Variants in TMPRSS13 observed in about 807,000 individuals in gnomAD.
TMPRSS13 encodes the protein transmembrane protease serine 13.
TMPRSS13 carries 50 observed loss-of-function variants against 68.4 expected under a neutral mutation model. The observed-to-expected ratio is 0.73, with a 90% CI of 0.58 to 0.93. The LOEUF is 0.93. TMPRSS13 is among the 40% of genes least tolerant of loss of function. The pLI, the probability that TMPRSS13 is intolerant of heterozygous loss-of-function variation, is 0.00. For synonymous variants in TMPRSS13, 267 were observed against 285.8 expected, an observed-to-expected ratio of 0.93 and a Z score of 0.66; for missense variants, 615 against 729.2, an observed-to-expected ratio of 0.84 and a Z score of 1.80.
chr11:117,926,463 A>G (rs987373229), intron 1 of TMPRSS13, among the ~76,000 whole-genome samples: 1 of 152,190 alleles, frequency 6.6e-6, no homozygotes, highest in African/African-American at 2.4e-5. Flanking sequence ...GGTTCTCACC[A>G]ATCCCTAGCA....
chr11:117,914,304 G>A lies in TMPRSS13; in HGVS notation c.679+88C>T. On this transcript the variant is annotated intron_variant, in intron 4 of 12. Transcript: ENST00000524993. This position sits in a 1 kb window ranked among gnomAD's most constrained non-coding sequence, Gnocchi z 4.2. ...ATGCACGCACACATATACACACACA[G>A]GCATGCATACACACACACATATACA... The A allele has an allele frequency of 6.5e-7, 1 of 1,530,802 alleles. No homozygotes were observed. The highest frequency in any genetic ancestry group is 8.9e-7 in the Non-Finnish European group (1 of 1,121,212). 94.8% of individuals were successfully genotyped at this position (1,530,802 alleles called of 1,614,324 possible). A position where few individuals can be genotyped will look rare whatever the true frequency, so the allele number is the denominator to read the frequency against.
At position 117,908,008 on chromosome 11, in the gene TMPRSS13, C is replaced by T. The variant is rs193041644; in HGVS notation, c.1282+604G>A. Reference sequence around the variant, plus strand: ...TGTAGCCTCCTTTGGTCCTTAGCAACAACGTTGTAGCAATTAGTTGTTTGA... The same window carrying T: ...TGTAGCCTCCTTTGGTCCTTAGCAATAACGTTGTAGCAATTAGTTGTTTGA... On this transcript the variant is annotated intron_variant, in intron 9 of 12. Coordinates refer to ENST00000524993, the MANE Select transcript of TMPRSS13 (RefSeq NM_001077263.3). 63 of 991,462 alleles carry T rather than the reference C, an allele frequency of 6.4e-5. No individual in the cohort carries two copies. The East Asian group carries it at 5.2e-3, about 82-fold the overall frequency. The allele number at this position is 991,462 out of a possible 1,614,324, so 61.4% of individuals were successfully genotyped here.
At chr11:117,918,312 G>A (rs747048102) in intron 2 of TMPRSS13, 97 bp downstream of exon 2, 2 of 1,313,764 alleles carry the variant, frequency 1.5e-6, no homozygotes, top group Non-Finnish European at 2.1e-6. Context: ...CCGCATCGTT[G>A]TCTGCTATGA....
intron 1 of TMPRSS13, among the ~76,000 whole-genome samples, chr11:117,928,925 T>C (rs896109292): frequency 1.3e-5 from 2 of 151,964 alleles, no homozygotes; most frequent in African/African-American, 4.8e-5. Flanking sequence ...CCAGCAAAAA[T>C]GAGATTAAAG....
chr11:117,920,327 TTTTG>T (rs58261622), intron 1 of TMPRSS13, among the ~76,000 whole-genome samples: 1 of 150,668 alleles, frequency 6.6e-6, no homozygotes, highest in African/African-American at 2.4e-5. Context: ...GATGGAGGGG[TTTTG>T]TTTGTTTGTT....
At chr11:117,908,056 C>A in intron 9 of TMPRSS13, 3 of 1,013,896 alleles carry the variant, frequency 3.0e-6, no homozygotes, top group Non-Finnish European at 2.4e-6. Context: ...CTTAAGTTCT[C>A]GACTGCAGGG....
In TMPRSS13 at chr11:117,918,422, G is replaced by A. The variant is rs376286439; in HGVS notation, c.438C>T (p.Thr146=). The change falls in exon 2 of 13, where the codon ACC becomes ACT. Residue 146 remains threonine, a synonymous_variant. Coordinates refer to ENST00000524993, the MANE Select transcript of TMPRSS13 (RefSeq NM_001077263.3). The stretch of plus-strand genomic sequence containing the variant: ...CATCCCCCTTACCTGGGCTCTCCCT[G>A]GTGGCCCTGGTTGCTGGTGCTGACC... ...PARSAPATRA[T]RESPGTSLPK... 66 of 1,613,418 alleles carry A rather than the reference G, an allele frequency of 4.1e-5. No individual in the cohort carries two copies. The highest frequency in any genetic ancestry group is 5.2e-5 in the Non-Finnish European group (61 of 1,179,508).
intron 10 of TMPRSS13, 121 bp downstream of exon 10, chr11:117,905,517 C>T: frequency 1.3e-6 from 1 of 770,922 alleles, no homozygotes; most frequent in Non-Finnish European, 2.1e-6. Flanking sequence ...AATCCGTATA[C>T]CCAAACGCTC....
chr11:117,904,244 A>C (rs1355574238), intron 10 of TMPRSS13, 143 bp from the exon 11 acceptor site: 1 of 1,172,946 alleles, frequency 8.5e-7, no homozygotes. Flanking sequence ...CCTGGCTCCC[A>C]CCCAAGGGAG....
chr11:117,909,994 T>G (rs2057505954), intron 7 of TMPRSS13, 26 bp from the exon 8 acceptor site: 1 of 1,604,828 alleles, frequency 6.2e-7, no homozygotes, highest in South Asian at 1.1e-5. Flanking sequence ...AGACGTACTG[T>G]GAACCCTGTT....
intron 9 of TMPRSS13, among the ~76,000 whole-genome samples, chr11:117,906,064 G>C (rs541003378): frequency 1.1e-4 from 16 of 152,268 alleles, no homozygotes; most frequent in Non-Finnish European, 2.4e-4. Flanking sequence ...TCTCCCTACT[G>C]AGAGGGTCTC....
At chr11:117,923,768 G>A (rs539610154) in intron 1 of TMPRSS13, among the ~76,000 whole-genome samples, 133 of 146,074 alleles carry the variant, frequency 9.1e-4, no homozygotes, top group African/African-American at 2.6e-3. Context: ...ACACCAACAC[G>A]GCACATGTAT....
rs1406121119 is a variant in TMPRSS13, at chr11:117,914,407, C to T, written c.664G>A (p.Asp222Asn). The change falls in exon 4 of 13, where the codon GAC (aspartate) becomes AAC (asparagine). Residue 222 changes from aspartate to asparagine, a missense_variant. Coordinates refer to ENST00000524993, the MANE Select transcript of TMPRSS13 (RefSeq NM_001077263.3). This position sits in a 1 kb window ranked among gnomAD's most constrained non-coding sequence, Gnocchi z 4.2. ...GCCTCCTTACCGCAGCCCAGCTCGT[C>T]ACTCTTCAGCTTGCAGTCCACCACC... ...DGVVDCKLKS[D>N]ELGCVRFDWD... 6.2e-7 allele frequency: 1 copy of T among 1,613,940 alleles called. No individual in the cohort carries two copies. The highest frequency in any genetic ancestry group is 1.1e-5 in the South Asian group (1 of 91,082).
chr11:117,913,021 A>C (rs967463648), intron 5 of TMPRSS13, among the ~76,000 whole-genome samples: 1 of 152,106 alleles, frequency 6.6e-6, no homozygotes, highest in Admixed American at 6.5e-5. Flanking sequence ...GGTGGAGAAC[A>C]TGTTCTAAAT....
chr11:117,908,034 A>AT, intron 9 of TMPRSS13: 2 of 999,292 alleles, frequency 2.0e-6, no homozygotes, highest in Non-Finnish European at 2.4e-6. Flanking sequence ...AGTTGTTTGA[A>AT]TGTGTACTCA....
intron 8 of TMPRSS13, 49 bp downstream of exon 8, chr11:117,909,757 G>A (rs924128079): frequency 5.1e-6 from 8 of 1,573,074 alleles, no homozygotes; most frequent in Non-Finnish European, 6.9e-6. Context: ...CCTTCCTGGT[G>A]GTTCCCGACC....
At chr11:117,917,432 A>C (rs899169738) in intron 2 of TMPRSS13, among the ~76,000 whole-genome samples, 158 bp from the exon 3 acceptor site, 4 of 152,270 alleles carry the variant, frequency 2.6e-5, no homozygotes, top group Admixed American at 1.3e-4. Context: ...AGTCAATTGA[A>C]TGAATGAATG....
At chr11:117,928,786 T>C (rs1042703960) in intron 1 of TMPRSS13, among the ~76,000 whole-genome samples, 1 of 152,084 alleles carries the variant, frequency 6.6e-6, no homozygotes, top group African/African-American at 2.4e-5. Context: ...CCAACGGAGG[T>C]TGAAACATCC....
intron 1 of TMPRSS13, among the ~76,000 whole-genome samples, chr11:117,924,019 T>C (rs2057673704): frequency 6.6e-6 from 1 of 151,600 alleles, no homozygotes; most frequent in Non-Finnish European, 1.5e-5. Flanking sequence ...GGGTTGGGCA[T>C]ATCACAGGCT....
Sources: gnomAD v4.1 joint callset for allele counts (sites outside exome capture counted in the v4.1 genomes callset) on GRCh38, gnomAD v4.1.1 for gene constraint, Gnocchi (gnomAD v3.1) non-coding constraint, MANE v1.5 for transcripts, NCBI Gene and HGNC (gene_info 2026-07-23, HGNC 2026-07-21) for gene names.